RIT2: variants seen among roughly 807,000 people sequenced by gnomAD.
The protein encoded by RIT2 is GTP-binding protein Rit2.
A neutral mutation model predicts 23.7 loss-of-function variants in RIT2; 24 were observed. That is an observed-to-expected ratio of 1.01 (90% CI 0.73 to 1.43). The LOEUF (loss-of-function observed/expected upper bound fraction) is 1.43. Among genes scored for constraint, RIT2 ranks in the 40% most tolerant of loss-of-function variants. The pLI is 0.00. For missense variants in RIT2, 236 were observed against 266.9 expected (o/e 0.88, Z 0.81); for synonymous variants, 107 against 91.1 (o/e 1.17, Z -0.99).
intron 1 of RIT2, among the ~76,000 whole-genome samples, chr18:43,108,493 C>A (rs1397725523): frequency 1.3e-5 from 2 of 152,010 alleles, no homozygotes; most frequent in East Asian, 3.9e-4. Context: ...AACACCAAAG[C>A]AAATGCGTGA....
chr18:42,882,464 C>T (rs1048639985), intron 4 of RIT2, among the ~76,000 whole-genome samples: 10 of 152,124 alleles, frequency 6.6e-5, no homozygotes, highest in African/African-American at 2.2e-4. Flanking sequence ...AAGACTTTGA[C>T]CTAGAAGGAA....
chr18:42,786,889 T>A (rs780384387), intron 4 of RIT2, among the ~76,000 whole-genome samples: 59 of 152,138 alleles, frequency 3.9e-4, no homozygotes, highest in African/African-American at 1.4e-3. Flanking sequence ...CTGTTCAGAA[T>A]TTCTACAGCT....
At chr18:42,814,262 A>G (rs1905932003) in intron 4 of RIT2, among the ~76,000 whole-genome samples, 1 of 152,208 alleles carries the variant, frequency 6.6e-6, no homozygotes, top group African/African-American at 2.4e-5. Flanking sequence ...CAGACTCCAC[A>G]GGCAGGGGAA....
chr18:43,067,453 T>A (rs937772091), intron 1 of RIT2, among the ~76,000 whole-genome samples: 1 of 152,164 alleles, frequency 6.6e-6, no homozygotes, highest in African/African-American at 2.4e-5. Context: ...AGCCTAGTTT[T>A]ATACATTTTT....
intron 1 of RIT2, among the ~76,000 whole-genome samples, chr18:43,069,818 T>C (rs1912857842): frequency 6.6e-6 from 1 of 152,102 alleles, no homozygotes; most frequent in Admixed American, 6.6e-5. Flanking sequence ...TTTTTTCCTC[T>C]CACTTCCTTC....
intron 4 of RIT2, among the ~76,000 whole-genome samples, chr18:42,819,630 C>T (rs1222156015): frequency 2.0e-5 from 3 of 152,196 alleles, no homozygotes; most frequent in African/African-American, 7.2e-5. Context: ...ATCCCCAGTT[C>T]TTAAAAGATG....
At chr18:43,115,389 T>C (rs1345575356) in intron 1 of RIT2, 28 bp downstream of exon 1, 1 of 1,612,130 alleles carries the variant, frequency 6.2e-7, no homozygotes, top group African/African-American at 1.3e-5. Context: ...AGGTCCCTCC[T>C]TCCCCAGCAT....
intron 4 of RIT2, chr18:42,920,609 G>T: frequency 1.2e-6 from 1 of 842,124 alleles, no homozygotes; most frequent in Non-Finnish European, 1.9e-6. Context: ...AAAACTCGTT[G>T]TCTTTTTGTT....
intron 4 of RIT2, among the ~76,000 whole-genome samples, chr18:42,876,407 A>G (rs1251375348): frequency 6.7e-6 from 1 of 148,876 alleles, no homozygotes; most frequent in Non-Finnish European, 1.5e-5. Context: ...GTTCATGTGG[A>G]GTTATCATTT....
intron 4 of RIT2, among the ~76,000 whole-genome samples, chr18:42,789,092 C>T (rs935092078): frequency 2.6e-5 from 4 of 151,978 alleles, no homozygotes; most frequent in Non-Finnish European, 4.4e-5. Flanking sequence ...ATATCTTTAC[C>T]GTGTGTTGTG....
intron 1 of RIT2, among the ~76,000 whole-genome samples, chr18:43,061,875 C>T (rs1209546573): frequency 2.6e-5 from 4 of 152,026 alleles, no homozygotes; most frequent in South Asian, 2.1e-4. Context: ...ACCTGGAACT[C>T]GCTAAACTGA....
At chr18:43,091,651 C>G (rs143325113) in intron 1 of RIT2, among the ~76,000 whole-genome samples, 2 of 151,904 alleles carry the variant, frequency 1.3e-5, no homozygotes, top group Non-Finnish European at 2.9e-5. Context: ...GATTGTTCTC[C>G]GGAAATTAAA....
intron 1 of RIT2, among the ~76,000 whole-genome samples, chr18:43,083,234 AC>A (rs992975350): frequency 2.1e-4 from 32 of 152,208 alleles, no homozygotes; most frequent in Admixed American, 2.0e-3. Flanking sequence ...AAGAGAGGAC[AC>A]AAACAAATGG....
intron 2 of RIT2, among the ~76,000 whole-genome samples, chr18:43,017,442 T>C (rs1284560176): frequency 6.6e-6 from 1 of 151,930 alleles, no homozygotes; most frequent in Non-Finnish European, 1.5e-5. Context: ...CATAACACAA[T>C]TGGTTCATGT....
At chr18:43,005,939 C>A (rs1044613161) in intron 2 of RIT2, among the ~76,000 whole-genome samples, 1 of 151,620 alleles carries the variant, frequency 6.6e-6, no homozygotes, top group Non-Finnish European at 1.5e-5. Context: ...GGCAAGAAAT[C>A]CTCAGAAGGA....
chr18:42,866,021 G>A (rs1483256279), intron 4 of RIT2, among the ~76,000 whole-genome samples: 1 of 152,082 alleles, frequency 6.6e-6, no homozygotes, highest in Non-Finnish European at 1.5e-5. Flanking sequence ...AGATCCTCAA[G>A]CTTGGTAAAA....
intron 4 of RIT2, among the ~76,000 whole-genome samples, chr18:42,859,385 T>C (rs1344428444): frequency 6.6e-6 from 1 of 152,244 alleles, no homozygotes; most frequent in Non-Finnish European, 1.5e-5. Context: ...TCTCGGCTGA[T>C]TTTTAGATTA....
intron 1 of RIT2, among the ~76,000 whole-genome samples, chr18:43,109,118 C>T (rs1180529917): frequency 6.6e-6 from 1 of 152,196 alleles, no homozygotes; most frequent in African/African-American, 2.4e-5. Context: ...TTGTGTGCTG[C>T]TTTCCGTTTA....
chr18:42,811,133 T>C (rs552940309), intron 4 of RIT2, among the ~76,000 whole-genome samples: 5 of 152,112 alleles, frequency 3.3e-5, no homozygotes, highest in Non-Finnish European at 7.4e-5. Context: ...TGTTTCTTAT[T>C]CATCCCTGAG....
Sources: allele counts gnomAD v4.1 joint callset (sites outside exome capture counted in the v4.1 genomes callset), GRCh38; gene constraint gnomAD v4.1.1; transcripts MANE v1.5; gene names NCBI Gene and HGNC (gene_info 2026-07-23, HGNC 2026-07-21).